SASH1: variants seen among roughly 807,000 people sequenced by gnomAD.
The protein encoded by SASH1 is SAM and SH3 domain-containing protein 1.
A neutral mutation model predicts 125.2 loss-of-function variants in SASH1; 44 were observed. That is an observed-to-expected ratio of 0.35 (90% confidence interval 0.28 to 0.45). SASH1 has a LOEUF of 0.45. SASH1 is among the 20% of genes least tolerant of loss of function. The pLI, the probability that SASH1 is intolerant of heterozygous loss-of-function variation, is 1.00. For missense variants in SASH1, 1,426 were observed against 1,614.5 expected (o/e 0.88, Z 2.00); for synonymous variants, 639 against 649.1 (o/e 0.98, Z 0.24).
chr6:148,277,560 T>G (rs1326742269), intron 1 of SASH1, among the ~76,000 whole-genome samples: 1 of 152,188 alleles, frequency 6.6e-6, no homozygotes, highest in Non-Finnish European at 1.5e-5. Context: ...CCAGGTAATG[T>G]CCAGGAAATT....
intron 2 of SASH1, among the ~76,000 whole-genome samples, chr6:148,393,142 G>A (rs376671202): frequency 1.7e-4 from 26 of 149,270 alleles, no homozygotes; most frequent in African/African-American, 5.9e-4. Context: ...CACCTCCTGG[G>A]TTCAACTGAT....
In SASH1 at chr6:148,487,813, C is replaced by T. The variant is rs1453174962; in HGVS notation, c.729+98C>T. The T allele has an allele frequency of 1.9e-5, 15 of 799,930 alleles. No individual in the cohort carries two copies. The East Asian group carries it at 3.3e-4, about 18-fold the overall frequency. 49.6% of individuals were successfully genotyped at this position (799,930 alleles called of 1,614,324 possible). A position where few individuals can be genotyped will look rare whatever the true frequency, so the allele number is the denominator to read the frequency against. ...GTATTTCTTTTCGAAACTTCCGACTCGCACCTGGGTCTGCAAAGAGGTGTC... is the reference window on the plus strand; with the variant it reads ...GTATTTCTTTTCGAAACTTCCGACTTGCACCTGGGTCTGCAAAGAGGTGTC... On this transcript the variant is annotated intron_variant, in intron 8 of 19. Transcript: ENST00000367467.
the SASH1 span, among the ~76,000 whole-genome samples, chr6:148,248,254 G>T: frequency 6.6e-6 from 1 of 152,318 alleles, no homozygotes; most frequent in Middle Eastern, 3.4e-3. Context: ...GGTAATTGGT[G>T]ATAGTGCAGC....
chr6:148,493,980 A>G (rs573809247), intron 8 of SASH1, among the ~76,000 whole-genome samples: 1 of 152,184 alleles, frequency 6.6e-6, no homozygotes, highest in Non-Finnish European at 1.5e-5. Context: ...AAGAGTTCTC[A>G]AGCTTTGTGC....
intron 2 of SASH1, among the ~76,000 whole-genome samples, chr6:148,417,276 T>C (rs1033429866): frequency 6.6e-6 from 1 of 152,054 alleles, no homozygotes; most frequent in Non-Finnish European, 1.5e-5. Flanking sequence ...CAGTAGATCT[T>C]AGGGTAGCAG....
chr6:148,215,986 T>C, the SASH1 span, among the ~76,000 whole-genome samples: 1 of 152,254 alleles, frequency 6.6e-6, no homozygotes, highest in Middle Eastern at 3.4e-3. Context: ...GCCTCCCAAG[T>C]AGCTGGGATT....
chr6:148,292,879 T>A (rs1779670206), intron 1 of SASH1, among the ~76,000 whole-genome samples: 1 of 152,034 alleles, frequency 6.6e-6, no homozygotes, highest in African/African-American at 2.4e-5. Flanking sequence ...GACAAAATCC[T>A]GTCTCTACTA....
intron 2 of SASH1, among the ~76,000 whole-genome samples, chr6:148,399,575 T>G (rs950957409): frequency 5.3e-5 from 8 of 152,202 alleles, no homozygotes; most frequent in African/African-American, 1.9e-4. Context: ...TAATAAAAAG[T>G]AGTACACCTG....
In SASH1 at chr6:148,519,979, G is replaced by T. The variant is rs572410519; in HGVS notation, c.1209+86G>T. The T allele has an allele frequency of 1.1e-6, 1 of 883,364 alleles. No homozygotes were observed. The allele number at this position is 883,364 out of a possible 1,614,324, so 54.7% of individuals were successfully genotyped here. ...TCCCTGGAGGAGTTTCAGAGTGTCC[G>T]GAAGCAAATCCGCTTGAAGAAAACG... On this transcript the variant is annotated intron_variant, in intron 10 of 19. Coordinates refer to ENST00000367467, the MANE Select transcript of SASH1 (RefSeq NM_015278.5). The surrounding 1 kb of genome is among the most constrained non-coding windows in gnomAD (Gnocchi z 4.8).
chr6:148,514,655 T>C (rs888995609), intron 9 of SASH1, among the ~76,000 whole-genome samples, 199 bp downstream of exon 9: 2 of 151,254 alleles, frequency 1.3e-5, no homozygotes, highest in Non-Finnish European at 3.0e-5. Context: ...GAATGAAGGG[T>C]CCTGGTGTCA....
At position 148,442,354 on chromosome 6, in the gene SASH1, T is replaced by A. The variant is rs76595480; in HGVS notation, c.386+1947T>A. Among the ~76,000 whole-genome samples the A allele has an allele frequency of 4.7e-4, 71 of 151,594 alleles. No homozygotes were observed. The East Asian group carries it at 9.2e-3, about 20-fold the overall frequency. On this transcript the variant is annotated intron_variant, in intron 4 of 19. Coordinates refer to ENST00000367467, the MANE Select transcript of SASH1 (RefSeq NM_015278.5). Reference sequence around the variant, plus strand: ...CCCAGGAAGTTAAGGCTGCAGTGAGTTGTGATCATGCTTGGGTGAAAGAAC... The same window carrying A: ...CCCAGGAAGTTAAGGCTGCAGTGAGATGTGATCATGCTTGGGTGAAAGAAC...
At chr6:148,267,317 A>G (rs891918212), upstream of SASH1, among the ~76,000 whole-genome samples, 3 of 151,618 alleles carry the variant, frequency 2.0e-5, no homozygotes, top group Non-Finnish European at 4.4e-5. Flanking sequence ...GGGCCACACC[A>G]TAAACTAAGC....
intron 8 of SASH1, chr6:148,512,756 T>G (rs1045418882): frequency 3.0e-6 from 3 of 984,986 alleles, no homozygotes; most frequent in African/African-American, 3.5e-5. Flanking sequence ...TTCTGACACT[T>G]GCAGGCAACA....
the SASH1 span, among the ~76,000 whole-genome samples, chr6:148,232,001 G>C: frequency 6.6e-6 from 1 of 151,612 alleles, no homozygotes; most frequent in Non-Finnish European, 1.5e-5. Flanking sequence ...AAGGAAAAAG[G>C]CTAGCAACTT....
intron 16 of SASH1, among the ~76,000 whole-genome samples, chr6:148,538,105 G>A (rs571636921): frequency 6.6e-6 from 1 of 152,218 alleles, no homozygotes; most frequent in African/African-American, 2.4e-5. Context: ...TGAAGACAGC[G>A]ATTCTAGCCC....
chr6:148,320,942 A>C (rs913879243), intron 1 of SASH1, among the ~76,000 whole-genome samples: 7 of 152,212 alleles, frequency 4.6e-5, no homozygotes, highest in Admixed American at 4.6e-4. Flanking sequence ...ACTTCTTACT[A>C]ACTCAGATGA....
intron 1 of SASH1, among the ~76,000 whole-genome samples, chr6:148,355,165 C>CA (rs1302971528): frequency 1.3e-5 from 2 of 152,184 alleles, no homozygotes; most frequent in Non-Finnish European, 2.9e-5. Flanking sequence ...AGACCATAAA[C>CA]ATTTATTCTG....
At chr6:148,447,723 ATCCTCCTCCTCCTCTTCC>A (rs1157475108) in intron 4 of SASH1, among the ~76,000 whole-genome samples, 5 of 82,426 alleles carry the variant, frequency 6.1e-5, no homozygotes, top group South Asian at 3.3e-4. Context: ...CCTCCTCCTC[ATCCTCCTCCTCCTCTTCC>A]TCCTCCTCCT....
the SASH1 span, among the ~76,000 whole-genome samples, chr6:148,265,975 C>CTT: frequency 2.8e-4 from 41 of 145,664 alleles, no homozygotes; most frequent in South Asian, 4.4e-4. Context: ...TTCAGCAATT[C>CTT]TTTTTTTTTT....
Sources: allele counts gnomAD v4.1 joint callset (sites outside exome capture counted in the v4.1 genomes callset), GRCh38; gene constraint gnomAD v4.1.1; non-coding constraint Gnocchi (gnomAD v3.1); transcripts MANE v1.5; gene names NCBI Gene and HGNC (gene_info 2026-07-23, HGNC 2026-07-21).